ST6GALNAC3: variants seen among roughly 807,000 people sequenced by gnomAD.
ST6GALNAC3 encodes the protein ST6 N-acetylgalactosaminide alpha-2,6-sialyltransferase 3.
In ST6GALNAC3, 25 loss-of-function variants were observed where a neutral mutation model predicts 32.7. The ratio of observed to expected loss-of-function variants is 0.76; its 90% CI spans 0.56 to 1.07. The LOEUF (loss-of-function observed/expected upper bound fraction) is 1.07, where lower values mean the gene tolerates loss of function less well. Ranked by LOEUF, ST6GALNAC3 falls within the 50% of genes least tolerant of loss-of-function variation. The pLI, the probability that ST6GALNAC3 is intolerant of heterozygous loss-of-function variation, is 0.00. For missense variants in ST6GALNAC3, 355 were observed against 382.4 expected (o/e 0.93, Z 0.60); for synonymous variants, 129 against 133.1 (o/e 0.97, Z 0.21).
intron 1 of ST6GALNAC3, among the ~76,000 whole-genome samples, chr1:76,095,967 T>C (rs1217180936): frequency 6.6e-6 from 1 of 152,198 alleles, no homozygotes; most frequent in Non-Finnish European, 1.5e-5. Flanking sequence ...AGTCATTGGT[T>C]AAATCTCCAA....
chr1:76,354,466 T>C (rs1009213749), intron 2 of ST6GALNAC3, among the ~76,000 whole-genome samples: 4 of 152,206 alleles, frequency 2.6e-5, no homozygotes, highest in African/African-American at 4.8e-5. Flanking sequence ...TAGGTATTTG[T>C]GTGTATATTT....
At chr1:76,341,443 T>G (rs1647960537) in intron 2 of ST6GALNAC3, among the ~76,000 whole-genome samples, 1 of 152,138 alleles carries the variant, frequency 6.6e-6, no homozygotes, top group African/African-American at 2.4e-5. Flanking sequence ...ACATTTTCTT[T>G]GTCTAATCCA....
chr1:76,338,810 G>A (rs1312640964), intron 2 of ST6GALNAC3, among the ~76,000 whole-genome samples: 2 of 151,984 alleles, frequency 1.3e-5, no homozygotes, highest in Non-Finnish European at 2.9e-5. Context: ...AAAGAAATGG[G>A]GTGAAGTCCA....
chr1:76,401,059 G>A (rs1253457571), intron 2 of ST6GALNAC3, among the ~76,000 whole-genome samples: 2 of 152,006 alleles, frequency 1.3e-5, no homozygotes, highest in African/African-American at 4.8e-5. Context: ...TTTTACTTGA[G>A]AGTAATTGAG....
intron 3 of ST6GALNAC3, among the ~76,000 whole-genome samples, chr1:76,429,972 C>T (rs1429730484): frequency 2.6e-5 from 4 of 152,290 alleles, no homozygotes; most frequent in South Asian, 2.1e-4. Context: ...ATCACTGCTA[C>T]GTCTTGTCTC....
rs529269073 is a variant in ST6GALNAC3 at position 76,469,823 on chromosome 1, G to A, written c.623+57406G>A. On this transcript the variant is annotated intron_variant, in intron 3 of 4. Transcript: ENST00000328299. ...TGTTCTGATGGATATTTGATCTTTT[G>A]TATTAATGGAGCCATTGCTTCAGAT... is the stretch of plus-strand genomic sequence containing the variant. Among the ~76,000 whole-genome samples the A allele has an allele frequency of 3.9e-5, 6 of 152,212 alleles. 1 individual carries two copies. The highest frequency in any genetic ancestry group is 1.4e-4 in the African/African-American group (6 of 41,556).
intron 2 of ST6GALNAC3, among the ~76,000 whole-genome samples, chr1:76,342,739 GT>G (rs908877941): frequency 6.6e-6 from 1 of 151,060 alleles, no homozygotes; most frequent in African/African-American, 2.4e-5. Context: ...ACTAATATCT[GT>G]TTTTTTTAAT....
chr1:76,368,934 G>C (rs1489716911), intron 2 of ST6GALNAC3, among the ~76,000 whole-genome samples: 4 of 152,090 alleles, frequency 2.6e-5, no homozygotes, highest in Admixed American at 2.6e-4. Context: ...CTGCTGTCTC[G>C]AGGTGGAGAA....
chr1:76,176,878 C>T (rs1652889477), intron 1 of ST6GALNAC3, among the ~76,000 whole-genome samples: 2 of 152,102 alleles, frequency 1.3e-5, no homozygotes, highest in African/African-American at 4.8e-5. Flanking sequence ...GATTGCATAA[C>T]AATGTGAATA....
In ST6GALNAC3 at chr1:76,082,110, T is replaced by C. The variant is rs541276727; in HGVS notation, c.18+7226T>C. Among the ~76,000 whole-genome samples the C allele has an allele frequency of 2.0e-5, 3 of 152,248 alleles. No individual in the cohort carries two copies. The South Asian group carries it at 6.2e-4, about 32-fold the overall frequency. ...TCTAGTAAACGACTGAGCGAAGTTA[T>C]GAAAGCTTCTCCCCAGGAGAAAAAT... On this transcript the variant is annotated intron_variant, in intron 1 of 4. Coordinates refer to ENST00000328299, the MANE Select transcript of ST6GALNAC3 (RefSeq NM_152996.4).
At chr1:76,392,411 A>G (rs2101160520) in intron 2 of ST6GALNAC3, among the ~76,000 whole-genome samples, 2 of 152,372 alleles carry the variant, frequency 1.3e-5, no homozygotes, top group South Asian at 4.1e-4. Context: ...GCATTAGATA[A>G]GATGCCCAGC....
chr1:76,609,368 C>T (rs1647772129), intron 3 of ST6GALNAC3, among the ~76,000 whole-genome samples: 1 of 152,030 alleles, frequency 6.6e-6, no homozygotes, highest in African/African-American at 2.4e-5. Context: ...ACTTGTGATG[C>T]CAGCCTTTAG....
chr1:76,471,757 C>T (rs1412478510), intron 3 of ST6GALNAC3, among the ~76,000 whole-genome samples: 1 of 152,048 alleles, frequency 6.6e-6, no homozygotes. Context: ...GTTTTACATT[C>T]TTCAGTCTTT....
chr1:76,561,411 C>T (rs2117903), intron 3 of ST6GALNAC3, among the ~76,000 whole-genome samples: 57,802 of 151,980 alleles, frequency 0.38, 13,296 homozygotes, highest in African/African-American at 0.66. Context: ...AAAGGACTCA[C>T]ATCTAGAATA....
intron 1 of ST6GALNAC3, among the ~76,000 whole-genome samples, chr1:76,107,271 C>G (rs1453579228): frequency 1.3e-5 from 2 of 150,202 alleles, no homozygotes. Context: ...ATTAATCAGA[C>G]ATGTTATTCT....
At chr1:76,605,676 C>A (rs973645396) in intron 3 of ST6GALNAC3, among the ~76,000 whole-genome samples, 33 of 151,860 alleles carry the variant, frequency 2.2e-4, no homozygotes, top group African/African-American at 7.5e-4. Flanking sequence ...ACCAGCCTGG[C>A]CAACATGGCG....
intron 1 of ST6GALNAC3, among the ~76,000 whole-genome samples, chr1:76,156,770 C>G (rs1374639031): frequency 1.3e-5 from 2 of 152,200 alleles, no homozygotes; most frequent in Non-Finnish European, 2.9e-5. Flanking sequence ...CTCGCTCTCT[C>G]GCCCAGGCTG....
At chr1:76,393,733 G>T (rs559656660) in intron 2 of ST6GALNAC3, among the ~76,000 whole-genome samples, 1 of 152,276 alleles carries the variant, frequency 6.6e-6, no homozygotes, top group Non-Finnish European at 1.5e-5. Flanking sequence ...TAAAATGTGT[G>T]TAATTGTGCT....
At chr1:76,164,414 A>T (rs1170364911) in intron 1 of ST6GALNAC3, among the ~76,000 whole-genome samples, 1 of 152,200 alleles carries the variant, frequency 6.6e-6, no homozygotes, top group Non-Finnish European at 1.5e-5. Flanking sequence ...GGCTTTTAGT[A>T]GATGGTAGCT....
Sources: gnomAD v4.1 joint callset for allele counts (sites outside exome capture counted in the v4.1 genomes callset) on GRCh38, gnomAD v4.1.1 for gene constraint, MANE v1.5 for transcripts, NCBI Gene and HGNC (gene_info 2026-07-23, HGNC 2026-07-21) for gene names.